Variants in ABHD10 observed in about 807,000 individuals in gnomAD.
ABHD10 encodes the protein abhydrolase domain containing 10, depalmitoylase.
A neutral mutation model predicts 33.1 loss-of-function variants in ABHD10; 22 were observed. The ratio of observed to expected loss-of-function variants is 0.66; its 90% CI spans 0.47 to 0.95. The LOEUF is 0.95. Ranked by LOEUF, ABHD10 falls within the 40% of genes least tolerant of loss-of-function variation. The probability of loss-of-function intolerance (pLI) is 0.00; values close to 1 mark genes in which losing one functional copy is unlikely to be tolerated. For synonymous variants in ABHD10, 146 were observed against 133.9 expected, an observed-to-expected ratio of 1.09 and a Z score of -0.62; for missense variants, 352 against 379.9, an observed-to-expected ratio of 0.93 and a Z score of 0.61.
At chr3:111,989,890 A>G (rs1433501357) in intron 4 of ABHD10, among the ~76,000 whole-genome samples, 1 of 152,064 alleles carries the variant, frequency 6.6e-6, no homozygotes, top group Non-Finnish European at 1.5e-5. Flanking sequence ...TATGTCATAC[A>G]TATTTTTTAA....
chr3:111,982,128 C>T lies in ABHD10; in HGVS notation c.326+161C>T, dbSNP rs565802726. The T allele has an allele frequency of 5.3e-5, 31 of 582,584 alleles. No individual in the cohort carries two copies. The East Asian group carries it at 7.4e-4, about 14-fold the overall frequency. 36.1% of individuals were successfully genotyped at this position (582,584 alleles called of 1,614,324 possible). On this transcript the variant is annotated intron_variant, in intron 2 of 4. Transcript: ENST00000273359. ...GATTTAGGGTAATTTTAAAAGCAAC[C>T]TTTAAAAGACCTTTTTTAAAGGCCT... is the stretch of plus-strand genomic sequence containing the variant.
At chr3:111,986,404 T>C in intron 3 of ABHD10, 29 bp downstream of exon 3, 4 of 1,475,886 alleles carry the variant, frequency 2.7e-6, no homozygotes, top group Non-Finnish European at 3.8e-6. Flanking sequence ...ATGATGATAA[T>C]TACTGTAACC....
intron 1 of ABHD10, among the ~76,000 whole-genome samples, chr3:111,981,466 A>G (rs186190771): frequency 7.2e-5 from 11 of 152,114 alleles, no homozygotes; most frequent in Non-Finnish European, 1.2e-4. Context: ...AGAATACATG[A>G]TAAAGCAGTA....
At chr3:111,980,724 C>T (rs922158278) in intron 1 of ABHD10, among the ~76,000 whole-genome samples, 1 of 152,138 alleles carries the variant, frequency 6.6e-6, no homozygotes, top group Non-Finnish European at 1.5e-5. Context: ...GTACCATTTA[C>T]AGAAAGCCAA....
chr3:111,979,329 C>G, intron 1 of ABHD10, 126 bp downstream of exon 1: 1 of 1,166,892 alleles, frequency 8.6e-7, no homozygotes, highest in Non-Finnish European at 1.2e-6. Flanking sequence ...TTCTCAACAC[C>G]CCAGTTCTAG....
In ABHD10 at chr3:111,980,712, G is replaced by A. The variant is rs1011022061; in HGVS notation, c.143-1072G>A. ...GTACTTAAATTACACTAAAATCTCT[G>A]TGTACCATTTACAGAAAGCCAAACC... On this transcript the variant is annotated intron_variant, in intron 1 of 4. Transcript: ENST00000273359. Among the ~76,000 whole-genome samples the A allele has an allele frequency of 2.0e-5, 3 of 152,290 alleles. No individual in the cohort carries two copies. In the South Asian group the frequency reaches 6.2e-4, roughly 32 times the overall value.
rs562195217 is a variant in ABHD10, at chr3:111,979,486, C to G, written c.142+283C>G. Among the ~76,000 whole-genome samples, 8 of 152,314 alleles carry G rather than the reference C, an allele frequency of 5.3e-5. No individual in the cohort carries two copies. In the East Asian group the frequency reaches 1.5e-3, roughly 29 times the overall value. On this transcript the variant is annotated intron_variant, in intron 1 of 4. Coordinates refer to ENST00000273359, the MANE Select transcript of ABHD10 (RefSeq NM_018394.4). ...TACCTGCCTCCCCTGCATTAAAGGCCAACACTAGAAAAAATTAAAATGTGC... is the reference window on the plus strand; with the variant it reads ...TACCTGCCTCCCCTGCATTAAAGGCGAACACTAGAAAAAATTAAAATGTGC...
At chr3:111,985,490 C>T (rs989388744) in intron 2 of ABHD10, among the ~76,000 whole-genome samples, 3 of 152,118 alleles carry the variant, frequency 2.0e-5, no homozygotes, top group Non-Finnish European at 2.9e-5. Flanking sequence ...GCACTAGGAA[C>T]GCATTGAAAC....
At chr3:111,988,970 A>G (rs1371342762) in intron 4 of ABHD10, among the ~76,000 whole-genome samples, 4 of 152,178 alleles carry the variant, frequency 2.6e-5, no homozygotes, top group African/African-American at 9.7e-5. Context: ...GAGAAGATTT[A>G]TAATCTGCAA....
chr3:111,992,013 T>A lies in ABHD10; in HGVS notation c.*292T>A, dbSNP rs372105825. 14 of 225,226 alleles carry A rather than the reference T, an allele frequency of 6.2e-5. No individual in the cohort carries two copies. The East Asian group carries it at 8.3e-4, about 13-fold the overall frequency. 14.0% of individuals were successfully genotyped at this position (225,226 alleles called of 1,614,324 possible). ...TTATGCTTATGTTAGCTATGCCAGC[T>A]CTTAATTGCATCCTTTTCTAATTAG... On this transcript the variant is annotated 3_prime_UTR_variant, in exon 5 of 5. Transcript: ENST00000273359.
chr3:111,990,043 A>G (rs1025204474), intron 4 of ABHD10, among the ~76,000 whole-genome samples: 3 of 152,000 alleles, frequency 2.0e-5, no homozygotes, highest in Non-Finnish European at 2.9e-5. Context: ...TAAGATGTCC[A>G]TTCCATTTTT....
At position 111,981,937 on chromosome 3, in the gene ABHD10, T is replaced by G; in HGVS notation, c.296T>G (p.Phe99Cys). ...ACAAAAGCGTTGGCGATTGAGGAGTTTTGCAAATCTCTAGGTCACGCCTGC... is the reference window on the plus strand; with the variant it reads ...ACAAAAGCGTTGGCGATTGAGGAGTGTTGCAAATCTCTAGGTCACGCCTGC... ...NGTKALAIEE[F>C]CKSLGHACIR... is the part of the protein sequence containing the mutation. The change falls in exon 2 of 5, where the codon TTT becomes TGT. Residue 99 changes from phenylalanine to cysteine, a missense_variant. Physicochemically the swap from Phe to Cys is radical, Grantham distance 205 (BLOSUM62 -2). Transcript: ENST00000273359. 1 of 1,574,888 alleles carries G rather than the reference T, an allele frequency of 6.3e-7. No homozygotes were observed. Among genetic ancestry groups the G allele is most frequent in the South Asian group, 1.2e-5 (1 of 86,054 alleles).
rs1317429137 is a variant in ABHD10 at position 111,986,291 on chromosome 3, A to G, written c.354A>G (p.Ser118=). 6.2e-7 allele frequency: 1 copy of G among 1,613,754 alleles called. No homozygotes were observed. The change falls in exon 3 of 5, where the codon TCA becomes TCG. Residue 118 remains serine (S), a synonymous_variant. Coordinates refer to ENST00000273359, the MANE Select transcript of ABHD10 (RefSeq NM_018394.4). The part of the protein sequence containing the change: ...IRFDYSGVGS[S]DGNSEESTLG... ...TTGATTACTCAGGAGTTGGAAGTTCAGATGGTAACTCAGAGGAAAGCACAC... is the reference window on the plus strand; with the variant it reads ...TTGATTACTCAGGAGTTGGAAGTTCGGATGGTAACTCAGAGGAAAGCACAC...
rs758270944 is a variant in ABHD10 at position 111,986,366 on chromosome 3, T to A, written c.429T>A (p.Asp143Glu). 1 of 1,608,270 alleles carries A rather than the reference T, an allele frequency of 6.2e-7. No homozygotes were observed. Among genetic ancestry groups the A allele is most frequent in the Admixed American group, 1.7e-5 (1 of 59,988 alleles). The stretch of plus-strand genomic sequence containing the variant: ...TTTCTATAATTGATGACTTAGCTGA[T>A]GGGCCACAGGTGACTGTTTTGTTAA... ...DVLSIIDDLA[D>E]GPQILVGSSL... Residue 143 changes from aspartate to glutamate, a missense_variant, in exon 3 of 5, where the codon GAT (aspartate) becomes GAA (glutamate). By Grantham distance (45) the Asp-to-Glu change is conservative (BLOSUM62 2). Coordinates refer to ENST00000273359, the MANE Select transcript of ABHD10 (RefSeq NM_018394.4).
intron 1 of ABHD10, among the ~76,000 whole-genome samples, 198 bp downstream of exon 1, chr3:111,979,401 T>G (rs957646825): frequency 6.6e-5 from 10 of 152,390 alleles, no homozygotes; most frequent in Non-Finnish European, 1.0e-4. Context: ...TGCGGCATTC[T>G]GGGCACCCCG....
At chr3:111,987,132 G>T in intron 4 of ABHD10, 81 bp downstream of exon 4, 1 of 1,512,144 alleles carries the variant, frequency 6.6e-7, no homozygotes, top group African/African-American at 1.4e-5. Context: ...GAGGGAAGGG[G>T]GGACAGAAAA....
chr3:111,981,154 A>G (rs1421412931), intron 1 of ABHD10, among the ~76,000 whole-genome samples: 1 of 151,900 alleles, frequency 6.6e-6, no homozygotes, highest in East Asian at 1.9e-4. Flanking sequence ...AAATACAAAA[A>G]TTAACCAGGT....
At chr3:111,979,641 C>G (rs2072554543) in intron 1 of ABHD10, among the ~76,000 whole-genome samples, 1 of 152,172 alleles carries the variant, frequency 6.6e-6, no homozygotes, top group Non-Finnish European at 1.5e-5. Context: ...AGTGTAGACG[C>G]CCTCATAAGC....
At chr3:111,981,072 G>A (rs2072577584) in intron 1 of ABHD10, among the ~76,000 whole-genome samples, 1 of 152,036 alleles carries the variant, frequency 6.6e-6, no homozygotes, top group Non-Finnish European at 1.5e-5. Context: ...GGGAGGCCAA[G>A]GTGGGAGGGT....
Sources: allele counts gnomAD v4.1 joint callset (sites outside exome capture counted in the v4.1 genomes callset), GRCh38; gene constraint gnomAD v4.1.1; transcripts MANE v1.5; gene names NCBI Gene and HGNC (gene_info 2026-07-23, HGNC 2026-07-21).